The following WDR17 variants were observed in gnomAD, a reference collection of about 807,000 sequenced individuals.
WDR17 encodes the protein WD repeat-containing protein 17.
In WDR17, 143 loss-of-function variants were observed where a neutral mutation model predicts 161.7. The ratio of observed to expected loss-of-function variants is 0.88; its 90% CI spans 0.77 to 1.02. The LOEUF is 1.02. WDR17 is among the 50% of genes least tolerant of loss of function. WDR17 has a pLI of 0.00. For missense variants in WDR17, 1,469 were observed against 1,520.9 expected (o/e 0.97, Z 0.57); for synonymous variants, 517 against 515.6 (o/e 1.00, Z -0.04).
rs762802323 is a variant in WDR17 at position 176,147,015 on chromosome 4, C to T, written c.1694+856C>T. 1.3e-4 allele frequency among the ~76,000 whole-genome samples: 20 copies of T among 151,978 alleles called. 1 individual carries two copies. The highest frequency in any genetic ancestry group is 3.9e-4 in the East Asian group (2 of 5,160). On this transcript the variant is annotated intron_variant, in intron 12 of 28. Coordinates refer to ENST00000508596, the MANE Select transcript of WDR17 (RefSeq NM_181265.4). Reference sequence around the variant, plus strand: ...CCTAGTAGCTGGGACTACAGGTGTGCGCCACCACGCCCAGCTAATTTTTGT... The same window carrying T: ...CCTAGTAGCTGGGACTACAGGTGTGTGCCACCACGCCCAGCTAATTTTTGT...
intron 28 of WDR17, among the ~76,000 whole-genome samples, chr4:176,177,965 A>G (rs1751691713): frequency 8.0e-6 from 1 of 125,758 alleles, no homozygotes; most frequent in African/African-American, 3.0e-5. Flanking sequence ...AGCCTGGGCA[A>G]CAAGAGTGAA....
intron 25 of WDR17, among the ~76,000 whole-genome samples, chr4:176,173,617 C>T (rs898875584): frequency 3.3e-5 from 5 of 152,000 alleles, no homozygotes; most frequent in Admixed American, 6.6e-5. Flanking sequence ...CCTGGGTTCA[C>T]ACCATTCTCC....
At chr4:176,173,225 A>G in intron 24 of WDR17, 42 bp from the exon 25 acceptor site, 1 of 1,323,792 alleles carries the variant, frequency 7.6e-7, no homozygotes, top group Non-Finnish European at 1.1e-6. Flanking sequence ...AAATTTTGAG[A>G]CTGTTATTTA....
At chr4:176,111,760 T>G in intron 2 of WDR17, 57 bp downstream of exon 2, 2 of 1,412,302 alleles carry the variant, frequency 1.4e-6, no homozygotes, top group African/African-American at 1.5e-5. Context: ...AATATTTAAT[T>G]AATACATATT....
intron 12 of WDR17, 56 bp from the exon 13 acceptor site, chr4:176,148,077 T>C: frequency 6.8e-7 from 1 of 1,464,452 alleles, no homozygotes; most frequent in South Asian, 1.2e-5. Context: ...AATATGTTAA[T>C]ACTCTAGATA....
chr4:176,125,248 AT>A lies in WDR17; in HGVS notation c.685del (p.Ser229LeufsTer7). The A allele has an allele frequency of 6.2e-7, 1 of 1,614,162 alleles. No homozygotes were observed. Among genetic ancestry groups the A allele is most frequent in the Non-Finnish European group, 8.5e-7 (1 of 1,180,020 alleles). ...TTGCATTATGGAATTCGCCTGGTAG[AT>A]TCTGAATCACTTTCTTGCATAACAA... ...VNLHYGIRLV[D>X]SESLSCITTF... On this transcript the variant is annotated frameshift_variant, in exon 5 of 29. Transcript: ENST00000508596. LOFTEE classifies it high-confidence loss of function.
chr4:176,122,258 A>G (rs999899105), intron 4 of WDR17, among the ~76,000 whole-genome samples: 18 of 152,138 alleles, frequency 1.2e-4, no homozygotes, highest in Non-Finnish European at 2.2e-4. Context: ...TCCCTTTTAT[A>G]AAGACATAGT....
At chr4:176,124,524 C>T (rs1742128015) in intron 4 of WDR17, among the ~76,000 whole-genome samples, 1 of 151,986 alleles carries the variant, frequency 6.6e-6, no homozygotes, top group Non-Finnish European at 1.5e-5. Flanking sequence ...CTATTCTAAA[C>T]ATTTTAATCA....
chr4:176,106,400 G>C (rs1016849514), intron 1 of WDR17, among the ~76,000 whole-genome samples: 1 of 152,026 alleles, frequency 6.6e-6, no homozygotes, highest in Non-Finnish European at 1.5e-5. Context: ...CTTAACATAT[G>C]GTGCTGGGAA....
chr4:176,137,016 CAG>C (rs1480626727), intron 8 of WDR17, among the ~76,000 whole-genome samples: 1 of 151,412 alleles, frequency 6.6e-6, no homozygotes, highest in African/African-American at 2.4e-5. Context: ...TTTCTTAAAA[CAG>C]AAAGCATTGT....
chr4:176,119,802 G>A (rs1362447178), intron 3 of WDR17, 65 bp from the exon 4 acceptor site: 4 of 1,361,078 alleles, frequency 2.9e-6, no homozygotes, highest in Non-Finnish European at 4.1e-6. Context: ...AACAGGGCAA[G>A]TAATATTTAA....
At chr4:176,154,959 G>T (rs1253414378) in intron 17 of WDR17, among the ~76,000 whole-genome samples, 2 of 151,956 alleles carry the variant, frequency 1.3e-5, no homozygotes, top group African/African-American at 4.8e-5. Flanking sequence ...TTCTTCAATA[G>T]AAGTCCAATT....
rs370440358 is a variant in WDR17 at position 176,163,369 on chromosome 4, T to C, written c.2990+76T>C. 6.1e-6 allele frequency: 9 copies of C among 1,479,904 alleles called. No individual in the cohort carries two copies. The East Asian group carries it at 7.0e-5, about 11-fold the overall frequency. The allele number at this position is 1,479,904 out of a possible 1,614,324, so 91.7% of individuals were successfully genotyped here. On this transcript the variant is annotated intron_variant, in intron 22 of 28. Transcript: ENST00000508596. ...TTAAAACATTATAAATTCCATTTGATAAGATATGCATTGGGAGAATATAGG... is the reference window on the plus strand; with the variant it reads ...TTAAAACATTATAAATTCCATTTGACAAGATATGCATTGGGAGAATATAGG...
At chr4:176,088,421 T>TA (rs1004092530) in intron 1 of WDR17, among the ~76,000 whole-genome samples, 1 of 151,682 alleles carries the variant, frequency 6.6e-6, no homozygotes, top group African/African-American at 2.4e-5. Context: ...CCTATCTCTT[T>TA]AAAAAAAAAT....
At chr4:176,171,764 C>T (rs527384280) in intron 23 of WDR17, among the ~76,000 whole-genome samples, 1 of 117,752 alleles carries the variant, frequency 8.5e-6, no homozygotes, top group Non-Finnish European at 1.9e-5. Context: ...TCAGTTTTAA[C>T]AGAAAAAGAT....
At chr4:176,108,541 C>A (rs1277358483) in intron 1 of WDR17, among the ~76,000 whole-genome samples, 5 of 151,956 alleles carry the variant, frequency 3.3e-5, no homozygotes, top group Non-Finnish European at 7.4e-5. Flanking sequence ...TGGAGAACAT[C>A]AAGAATGAGC....
At chr4:176,156,670 G>A (rs1224814256) in intron 18 of WDR17, among the ~76,000 whole-genome samples, 12 of 139,800 alleles carry the variant, frequency 8.6e-5, no homozygotes, top group African/African-American at 3.2e-4. Context: ...GTTTCCTGGG[G>A]TTGCCGTAAA....
intron 1 of WDR17, among the ~76,000 whole-genome samples, chr4:176,094,348 G>A (rs894613551): frequency 1.3e-4 from 19 of 151,926 alleles, no homozygotes; most frequent in African/African-American, 4.3e-4. Context: ...GTCTTTTGGG[G>A]AACTCACAAT....
At chr4:176,145,924 A>C in intron 11 of WDR17, 71 bp from the exon 12 acceptor site, 5 of 1,342,162 alleles carry the variant, frequency 3.7e-6, no homozygotes, top group Non-Finnish European at 5.1e-6. Flanking sequence ...AATTAGAACT[A>C]TGGTATACCT....
Sources: gnomAD v4.1 joint callset for allele counts (sites outside exome capture counted in the v4.1 genomes callset) on GRCh38, gnomAD v4.1.1 for gene constraint, MANE v1.5 for transcripts, NCBI Gene and HGNC (gene_info 2026-07-23, HGNC 2026-07-21) for gene names.